DDR2: variants seen among roughly 807,000 people sequenced by gnomAD.
DDR2 encodes the protein discoidin domain-containing receptor 2.
DDR2 carries 27 observed loss-of-function variants against 94.9 expected under a neutral mutation model. The observed-to-expected ratio is 0.28, with a 90% CI of 0.21 to 0.39. The LOEUF (loss-of-function observed/expected upper bound fraction) is 0.39, where lower values mean the gene tolerates loss of function less well. Ranked by LOEUF, DDR2 falls within the 10% of genes least tolerant of loss-of-function variation. The pLI is 1.00. For synonymous variants in DDR2, 382 were observed against 377.2 expected, an observed-to-expected ratio of 1.01 and a Z score of -0.15; for missense variants, 783 against 1,076.0, an observed-to-expected ratio of 0.73 and a Z score of 3.81.
At chr1:162,723,620 T>G (rs535395054) in intron 3 of DDR2, among the ~76,000 whole-genome samples, 42 of 152,230 alleles carry the variant, frequency 2.8e-4, no homozygotes, top group African/African-American at 9.2e-4. Flanking sequence ...ATTAGAGGAT[T>G]GTTGTGTATA....
intron 3 of DDR2, among the ~76,000 whole-genome samples, chr1:162,750,170 G>A (rs1282069384): frequency 6.6e-6 from 1 of 152,160 alleles, no homozygotes; most frequent in African/African-American, 2.4e-5. Context: ...AAGAAATAAA[G>A]GGTATTTAAT....
chr1:162,775,951 G>C, intron 15 of DDR2, 108 bp downstream of exon 15: 1 of 1,485,062 alleles, frequency 6.7e-7, no homozygotes, highest in Non-Finnish European at 9.3e-7. Context: ...TGGGATGGTG[G>C]GGGAAGTCAG....
At chr1:162,717,264 G>A (rs1012785973) in intron 2 of DDR2, among the ~76,000 whole-genome samples, 1 of 152,112 alleles carries the variant, frequency 6.6e-6, no homozygotes, top group Admixed American at 6.5e-5. Flanking sequence ...TTGAACTCCT[G>A]ACCTCAGGTG....
At chr1:162,698,842 C>G (rs893134834) in intron 2 of DDR2, among the ~76,000 whole-genome samples, 8 of 152,178 alleles carry the variant, frequency 5.3e-5, no homozygotes, top group African/African-American at 9.6e-5. Context: ...AGGCCTTCTC[C>G]CACAATTCAT....
At chr1:162,646,207 C>T (rs957362560) in intron 1 of DDR2, among the ~76,000 whole-genome samples, 5 of 152,132 alleles carry the variant, frequency 3.3e-5, no homozygotes, top group African/African-American at 7.2e-5. Flanking sequence ...AAATTATAAT[C>T]GAAGACAGAA....
At chr1:162,752,979 G>A in intron 3 of DDR2, 116 bp from the exon 4 acceptor site, 1 of 890,736 alleles carries the variant, frequency 1.1e-6, no homozygotes, top group Non-Finnish European at 1.8e-6. Context: ...GAGGAATTTA[G>A]GAAGATGTAA....
chr1:162,706,555 C>A (rs1256646831), intron 2 of DDR2, among the ~76,000 whole-genome samples: 2 of 152,128 alleles, frequency 1.3e-5, no homozygotes, highest in Admixed American at 1.3e-4. Context: ...GGTGGAGTTG[C>A]TGGGAGGTTA....
chr1:162,698,471 T>C (rs1368929523), intron 2 of DDR2, among the ~76,000 whole-genome samples: 1 of 152,164 alleles, frequency 6.6e-6, no homozygotes, highest in African/African-American at 2.4e-5. Flanking sequence ...TTATAGGCAA[T>C]ATATTTACTA....
Position 162,768,096 on chromosome 1 carries a change from G to A in DDR2, c.1293+737G>A, listed in dbSNP as rs1247230801. Among the ~76,000 whole-genome samples the A allele has an allele frequency of 4.6e-5, 7 of 152,290 alleles. No individual in the cohort carries two copies. In the East Asian group the frequency reaches 1.3e-3, roughly 29 times the overall value. ...TTAACTATTTTTCTGATGAGAAAAT[G>A]TGATGTGCTTAAGGTCATACAACTG... On this transcript the variant is annotated intron_variant, in intron 11 of 17. Transcript: ENST00000367921.
At chr1:162,671,774 C>T (rs543282462) in intron 2 of DDR2, among the ~76,000 whole-genome samples, 1 of 152,332 alleles carries the variant, frequency 6.6e-6, no homozygotes, top group East Asian at 1.9e-4. Flanking sequence ...AAGAACTCAA[C>T]TCTTCCATTG....
intron 2 of DDR2, among the ~76,000 whole-genome samples, chr1:162,674,522 A>G (rs1659035874): frequency 6.6e-6 from 1 of 152,192 alleles, no homozygotes; most frequent in Non-Finnish European, 1.5e-5. Context: ...GGACTTAATA[A>G]TACAGAGCAG....
chr1:162,667,559 A>T (rs191710960), intron 2 of DDR2, among the ~76,000 whole-genome samples: 11 of 152,294 alleles, frequency 7.2e-5, no homozygotes, highest in Admixed American at 5.9e-4. Context: ...ACACACACAA[A>T]CAAGAAGCTC....
chr1:162,635,571 C>A (rs1360758600), intron 1 of DDR2, among the ~76,000 whole-genome samples: 2 of 152,204 alleles, frequency 1.3e-5, no homozygotes, highest in Non-Finnish European at 2.9e-5. Context: ...ACTCTTTATA[C>A]CTCTTGCCCT....
chr1:162,633,426 T>C (rs1489141929), intron 1 of DDR2, among the ~76,000 whole-genome samples: 3 of 152,152 alleles, frequency 2.0e-5, no homozygotes, highest in African/African-American at 7.2e-5. Flanking sequence ...TCAGCACCAT[T>C]TTGCCGATCA....
chr1:162,705,577 C>T (rs747400126), intron 2 of DDR2, among the ~76,000 whole-genome samples: 5 of 152,182 alleles, frequency 3.3e-5, no homozygotes, highest in Non-Finnish European at 7.4e-5. Context: ...TTTAGAACCA[C>T]GGCTGGTAGA....
At chr1:162,717,873 A>T (rs1413291409) in intron 2 of DDR2, among the ~76,000 whole-genome samples, 1 of 152,178 alleles carries the variant, frequency 6.6e-6, no homozygotes, top group Admixed American at 6.5e-5. Flanking sequence ...CTGAAAAGTG[A>T]CCCTTTTTCT....
At chr1:162,673,173 A>G (rs1390029674) in intron 2 of DDR2, among the ~76,000 whole-genome samples, 1 of 152,212 alleles carries the variant, frequency 6.6e-6, no homozygotes, top group Non-Finnish European at 1.5e-5. Context: ...AGAAAAATTA[A>G]TACATCATTA....
At chr1:162,665,225 T>C (rs1033763674) in intron 2 of DDR2, among the ~76,000 whole-genome samples, 1 of 152,202 alleles carries the variant, frequency 6.6e-6, no homozygotes, top group African/African-American at 2.4e-5. Context: ...GCGTTAAACA[T>C]CATAAAGTGG....
chr1:162,759,696 C>A, intron 7 of DDR2, 100 bp from the exon 8 acceptor site: 5 of 1,383,978 alleles, frequency 3.6e-6, no homozygotes, highest in Non-Finnish European at 5.1e-6. Context: ...TAAGCTCATA[C>A]AAAATCTGGA....
Sources: allele counts gnomAD v4.1 joint callset (sites outside exome capture counted in the v4.1 genomes callset), GRCh38; gene constraint gnomAD v4.1.1; transcripts MANE v1.5; gene names NCBI Gene and HGNC (gene_info 2026-07-23, HGNC 2026-07-21).